NKAIN3: variants seen among roughly 807,000 people sequenced by gnomAD.
NKAIN3 encodes sodium/potassium-transporting ATPase subunit beta-1-interacting protein 3.
Under a neutral mutation model 30.2 loss-of-function variants are expected in NKAIN3, and 25 were observed. The observed-to-expected ratio is 0.83, with a 90% CI of 0.60 to 1.16. NKAIN3 has a LOEUF of 1.16. Among genes scored for constraint, NKAIN3 ranks in the 50% most tolerant of loss-of-function variants. The probability of loss-of-function intolerance (pLI) is 0.00; values close to 1 mark genes in which losing one functional copy is unlikely to be tolerated. For missense variants in NKAIN3, 225 were observed against 254.1 expected (o/e 0.89, Z 0.78); for synonymous variants, 91 against 89.6 (o/e 1.02, Z -0.09).
intron 3 of NKAIN3, among the ~76,000 whole-genome samples, chr8:62,639,639 AAG>A (rs1414883390): frequency 1.3e-5 from 2 of 152,150 alleles, no homozygotes; most frequent in Non-Finnish European, 2.9e-5. Context: ...GACCTTGCAA[AAG>A]AGAGGGGAAA....
chr8:62,816,905 C>A (rs1413221746), intron 4 of NKAIN3, among the ~76,000 whole-genome samples: 1 of 152,154 alleles, frequency 6.6e-6, no homozygotes, highest in Non-Finnish European at 1.5e-5. Flanking sequence ...GCTCCCTAGT[C>A]TGGGCTCAGG....
rs544630503 is a variant in NKAIN3 at position 62,439,237 on chromosome 8, T to C, written c.55-140302T>C. ...AACAAGGGTATGAGCCTGAGTCCTCTGGATTAGGAAATAAGGAATCTGTCC... is the reference window on the plus strand; with the variant it reads ...AACAAGGGTATGAGCCTGAGTCCTCCGGATTAGGAAATAAGGAATCTGTCC... On this transcript the variant is annotated intron_variant, in intron 1 of 6. Transcript: ENST00000623646. 5.9e-5 allele frequency among the ~76,000 whole-genome samples: 9 copies of C among 152,316 alleles called. No homozygotes were observed. In the East Asian group the frequency reaches 1.7e-3, roughly 29 times the overall value.
chr8:62,822,256 T>A (rs960122753), intron 4 of NKAIN3, among the ~76,000 whole-genome samples: 1 of 152,190 alleles, frequency 6.6e-6, no homozygotes, highest in African/African-American at 2.4e-5. Context: ...TGGAAGAGAA[T>A]CTTTGAAGGA....
chr8:62,990,289 C>A, intron 5 of NKAIN3: 2 of 1,462,804 alleles, frequency 1.4e-6, no homozygotes, highest in East Asian at 5.1e-5. Context: ...CATGTGCTTC[C>A]TAAGAACTGA....
At chr8:62,289,374 A>G (rs1356298846) in intron 1 of NKAIN3, among the ~76,000 whole-genome samples, 2 of 152,162 alleles carry the variant, frequency 1.3e-5, no homozygotes, top group Non-Finnish European at 2.9e-5. Context: ...TTCTGGTTTT[A>G]GGTCTAACAT....
At chr8:62,858,729 C>G (rs2130784682) in intron 4 of NKAIN3, among the ~76,000 whole-genome samples, 1 of 152,330 alleles carries the variant, frequency 6.6e-6, no homozygotes. Flanking sequence ...GCTGAGTCAA[C>G]CAAACAGCAG....
At chr8:62,677,802 T>C (rs1813521798) in intron 3 of NKAIN3, among the ~76,000 whole-genome samples, 1 of 152,204 alleles carries the variant, frequency 6.6e-6, no homozygotes, top group Admixed American at 6.5e-5. Flanking sequence ...TGTGCATCTC[T>C]GATGTCTAGG....
chr8:62,616,803 G>A (rs546625349), intron 3 of NKAIN3, among the ~76,000 whole-genome samples: 4 of 152,052 alleles, frequency 2.6e-5, no homozygotes, highest in African/African-American at 9.6e-5. Flanking sequence ...CCAACCTCAC[G>A]GTCCTCAAAG....
At chr8:62,503,793 G>T (rs1174734404) in intron 1 of NKAIN3, among the ~76,000 whole-genome samples, 1 of 152,080 alleles carries the variant, frequency 6.6e-6, no homozygotes, top group East Asian at 1.9e-4. Flanking sequence ...AGACCTTATG[G>T]TTGTCTTCCC....
intron 3 of NKAIN3, among the ~76,000 whole-genome samples, chr8:62,648,633 A>G (rs748933780): frequency 1.6e-4 from 24 of 152,196 alleles, no homozygotes; most frequent in Admixed American, 1.0e-3. Flanking sequence ...GGAAAACCTT[A>G]CCTTACAGAA....
chr8:62,747,175 C>A (rs1245710662), intron 4 of NKAIN3, 46 bp downstream of exon 4: 1 of 1,330,178 alleles, frequency 7.5e-7, no homozygotes, highest in Non-Finnish European at 1.1e-6. Flanking sequence ...CTCTTCTTTG[C>A]TGGCATTTTT....
At chr8:62,692,769 A>T (rs1814022110) in intron 3 of NKAIN3, among the ~76,000 whole-genome samples, 1 of 152,200 alleles carries the variant, frequency 6.6e-6, no homozygotes, top group South Asian at 2.1e-4. Flanking sequence ...TTGTTCAAAA[A>T]TACCTCCTCA....
chr8:62,674,528 G>A (rs934937637), intron 3 of NKAIN3, among the ~76,000 whole-genome samples: 1 of 152,178 alleles, frequency 6.6e-6, no homozygotes. Flanking sequence ...GGATGGGGGC[G>A]AGAGAATGGT....
rs540938660 is a variant in NKAIN3 at position 62,403,019 on chromosome 8, T to A, written c.54+153892T>A. On this transcript the variant is annotated intron_variant, in intron 1 of 6. Transcript: ENST00000623646. ...CTTGCGGAATGTTTGACCAAAATGC[T>A]GATAGTGATATGGACAATGAAGACC... 2.6e-5 allele frequency among the ~76,000 whole-genome samples: 4 copies of A among 152,330 alleles called. No homozygotes were observed. In the South Asian group the frequency reaches 8.3e-4, roughly 32 times the overall value.
intron 1 of NKAIN3, among the ~76,000 whole-genome samples, chr8:62,400,150 G>GATGCTAT (rs1238770523): frequency 1.3e-5 from 2 of 150,450 alleles, no homozygotes; most frequent in African/African-American, 2.4e-5. Flanking sequence ...CTGTGTGGTA[G>GATGCTAT]ATGCTATATT....
At chr8:62,312,823 C>CAAAAA (rs56252388) in intron 1 of NKAIN3, among the ~76,000 whole-genome samples, 64 of 142,464 alleles carry the variant, frequency 4.5e-4, no homozygotes, top group Admixed American at 1.3e-3. Context: ...AACCTTGTCT[C>CAAAAA]AAAAAAAAAA....
At chr8:62,635,911 C>A (rs1045587804) in intron 3 of NKAIN3, among the ~76,000 whole-genome samples, 1 of 152,046 alleles carries the variant, frequency 6.6e-6, no homozygotes, top group African/African-American at 2.4e-5. Flanking sequence ...TTAGCAGAAG[C>A]CTTACTATAA....
At chr8:62,353,883 G>T (rs767867130) in intron 1 of NKAIN3, among the ~76,000 whole-genome samples, 12 of 152,164 alleles carry the variant, frequency 7.9e-5, no homozygotes, top group Non-Finnish European at 1.6e-4. Context: ...TCACAGGCAT[G>T]ATGTTAATGA....
intron 1 of NKAIN3, among the ~76,000 whole-genome samples, chr8:62,264,578 C>T (rs1427070186): frequency 6.6e-6 from 1 of 152,076 alleles, no homozygotes; most frequent in African/African-American, 2.4e-5. Context: ...TGATTCTACC[C>T]TATGTTATTG....
Sources: allele counts gnomAD v4.1 joint callset (sites outside exome capture counted in the v4.1 genomes callset), GRCh38; gene constraint gnomAD v4.1.1; transcripts MANE v1.5; gene names NCBI Gene and HGNC (gene_info 2026-07-23, HGNC 2026-07-21).